SRRM2: variants seen among roughly 807,000 people sequenced by gnomAD.
SRRM2 encodes serine/arginine repetitive matrix 2.
SRRM2 carries 30 observed loss-of-function variants against 213.8 expected under a neutral mutation model. The ratio of observed to expected loss-of-function variants is 0.14; its 90% CI spans 0.10 to 0.19. SRRM2 has a LOEUF of 0.19. Among genes scored for constraint, SRRM2 ranks in the 10% least tolerant of loss-of-function variants. The pLI is 1.00. For missense variants in SRRM2, 4,904 were observed against 3,647.0 expected (o/e 1.34, Z -8.88); for synonymous variants, 2,025 against 1,377.7 (o/e 1.47, Z -10.40).
chr16:2,752,856 T>C lies in SRRM2; in HGVS notation c.-32+10T>C. 4.3e-6 allele frequency: 1 copy of C among 231,644 alleles called. No homozygotes were observed. Among genetic ancestry groups the C allele is most frequent in the Non-Finnish European group, 8.8e-6 (1 of 114,198 alleles). 14.3% of individuals were successfully genotyped at this position (231,644 alleles called of 1,614,324 possible). On this transcript the variant is annotated intron_variant, in intron 1 of 14. Transcript: ENST00000301740. Reference sequence around the variant, plus strand: ...CGGGCGGAGGCGGCGGGTGAGAGGGTGAGGGAGCCAGCGAGCCGGGTGGGG... The same window carrying C: ...CGGGCGGAGGCGGCGGGTGAGAGGGCGAGGGAGCCAGCGAGCCGGGTGGGG...
intron 2 of SRRM2, 75 bp downstream of exon 2, chr16:2,756,681 G>T: frequency 6.6e-7 from 1 of 1,520,936 alleles, no homozygotes; most frequent in Non-Finnish European, 8.8e-7. Context: ...TGTATAGGGA[G>T]CTTAGGGTGG....
At position 2,770,639 on chromosome 16, in the gene SRRM2, G is replaced by T; in HGVS notation, c.8171G>T (p.Arg2724Leu). 3.2e-6 allele frequency: 5 copies of T among 1,552,528 alleles called. No individual in the cohort carries two copies. The South Asian group carries it at 5.9e-5, about 18-fold the overall frequency. ...GAGCGGGGTTCCCGGAGAGGCCAGCGTGGGGACAGCCGCTCCCCCAGCCAC... is the reference window on the plus strand; with the variant it reads ...GAGCGGGGTTCCCGGAGAGGCCAGCTTGGGGACAGCCGCTCCCCCAGCCAC... ...SSERGSRRGQ[R>L]GDSRSPSHKR... Residue 2724 changes from arginine to leucine, a missense_variant, in exon 14 of 15, where the codon CGT (arginine) becomes CTT (leucine). Transcript: ENST00000301740.
chr16:2,758,027 G>A, intron 4 of SRRM2, 82 bp downstream of exon 4: 1 of 1,493,346 alleles, frequency 6.7e-7, no homozygotes, highest in Non-Finnish European at 9.0e-7. Flanking sequence ...TTGCGGGCTG[G>A]TTTCTTCCCA....
chr16:2,752,989 C>T (rs1041747845), intron 1 of SRRM2, 143 bp downstream of exon 1: 2 of 153,586 alleles, frequency 1.3e-5, no homozygotes, highest in East Asian at 3.9e-4. Flanking sequence ...CGCGGACGCC[C>T]TCGCCTCCCT....
intron 1 of SRRM2, chr16:2,753,542 T>A (rs2068021907): frequency 6.6e-6 from 1 of 152,254 alleles, no homozygotes; most frequent in Non-Finnish European, 1.5e-5. Context: ...TGCGTTCCCT[T>A]TTTACACTTT....
At position 2,760,414 on chromosome 16, in the gene SRRM2, C is replaced by T. The variant is rs1471734215; in HGVS notation, c.947C>T (p.Thr316Ile). 1 of 1,613,992 alleles carries T rather than the reference C, an allele frequency of 6.2e-7. No homozygotes were observed. Among genetic ancestry groups the T allele is most frequent in the East Asian group, 2.2e-5 (1 of 44,900 alleles). ...GCGCCTTTCAGTGAACCAGGTACTA[C>T]CAGCACACAACGGCCTAGTAGCCCG... The part of the protein sequence containing the change: ...GDAPFSEPGT[T>I]STQRPSSPET... The change falls in exon 10 of 15, where the codon ACC (threonine) becomes ATC (isoleucine). Residue 316 changes from threonine (T) to isoleucine (I), a missense_variant. Thr to Ile is a moderately conservative substitution (Grantham distance 89). Transcript: ENST00000301740.
chr16:2,764,289 C>A lies in SRRM2; in HGVS notation c.3761C>A (p.Ser1254Tyr), dbSNP rs763526185. Residue 1254 changes from serine (S) to tyrosine (Y), a missense_variant, in exon 11 of 15, where the codon TCT (serine) becomes TAT (tyrosine). By Grantham distance (144) the Ser-to-Tyr change is moderately radical. Transcript: ENST00000301740. Reference protein sequence around the residue: ...KSEEPAGQILSHLSSELKEMS... With the variant: ...KSEEPAGQILYHLSSELKEMS... ...GAAGAACCCGCAGGCCAAATCCTGT[C>A]TCATTTGTCTTCAGAACTTAAAGAA... 1 of 1,613,882 alleles carries A rather than the reference C, an allele frequency of 6.2e-7. No individual in the cohort carries two copies. The highest frequency in any genetic ancestry group is 2.2e-5 in the East Asian group (1 of 44,900).
At chr16:2,756,939 G>A (rs1326018976) in intron 2 of SRRM2, among the ~76,000 whole-genome samples, 1 of 152,132 alleles carries the variant, frequency 6.6e-6, no homozygotes, top group Non-Finnish European at 1.5e-5. Context: ...GCTGATAGGT[G>A]TTGTCATTGG....
At position 2,763,891 on chromosome 16, in the gene SRRM2, C is replaced by G. The variant is rs367767197; in HGVS notation, c.3363C>G (p.Phe1121Leu). 6.2e-7 allele frequency: 1 copy of G among 1,614,186 alleles called. No individual in the cohort carries two copies. Among genetic ancestry groups the G allele is most frequent in the South Asian group, 1.1e-5 (1 of 91,086 alleles). ...RSPIRQDRGE[F>L]SASPMLKSGM... ...CAATAAGACAAGATAGAGGTGAGTT[C>G]TCAGCGAGTCCTATGTTGAAATCTG... The change falls in exon 11 of 15, where the codon TTC becomes TTG. Residue 1121 changes from phenylalanine (F) to leucine (L), a missense_variant. Transcript: ENST00000301740.
chr16:2,756,356 C>T lies in SRRM2; in HGVS notation c.-9C>T, dbSNP rs369870612. On this transcript the variant is annotated 5_prime_UTR_variant, in exon 2 of 15. Coordinates refer to ENST00000301740, the MANE Select transcript of SRRM2 (RefSeq NM_016333.4). ...CAGGAGCGGTGGTGCCCCCCCCGGGCACGGGGCCATGTACAACGGGATCGG... is the reference window on the plus strand; with the variant it reads ...CAGGAGCGGTGGTGCCCCCCCCGGGTACGGGGCCATGTACAACGGGATCGG... 3.1e-6 allele frequency: 5 copies of T among 1,593,708 alleles called. No individual in the cohort carries two copies. The highest frequency in any genetic ancestry group is 4.3e-6 in the Non-Finnish European group (5 of 1,172,984).
At position 2,757,518 on chromosome 16, in the gene SRRM2, A is replaced by C. The variant is rs776559710; in HGVS notation, c.289A>C (p.Met97Leu). ...IQEKVATFRL[M>L]LLEKDVNPGG... The stretch of plus-strand genomic sequence containing the variant: ...GGAAAAAGTGGCGACCTTTCGACTC[A>C]TGTTGCTGGAGAAGGATGTGAACCC... Residue 97 changes from methionine (M) to leucine (L), a missense_variant, in exon 3 of 15, where the codon ATG (methionine) becomes CTG (leucine). Transcript: ENST00000301740. The C allele has an allele frequency of 1.2e-6, 2 of 1,614,100 alleles. No homozygotes were observed. Among genetic ancestry groups the C allele is most frequent in the Non-Finnish European group, 1.7e-6 (2 of 1,180,004 alleles).
In SRRM2 at chr16:2,770,848, T is replaced by C; in HGVS notation, c.8250-10T>C. On this transcript the variant is annotated splice_polypyrimidine_tract_variant and intron_variant, in intron 14 of 14. Transcript: ENST00000301740. ...GGGAACTCCCTGTTGACCCATATCT[T>C]CTCTTGCAGGTCTCCATAAATTGTC... 6.2e-7 allele frequency: 1 copy of C among 1,613,978 alleles called. No individual in the cohort carries two copies.
intron 12 of SRRM2, 47 bp from the exon 13 acceptor site, chr16:2,770,305 T>G (rs1238913291): frequency 1.3e-6 from 2 of 1,520,344 alleles, no homozygotes; most frequent in Non-Finnish European, 1.8e-6. Flanking sequence ...TGCTGGCCCG[T>G]GTGCTTGAAA....
chr16:2,765,856 C>T lies in SRRM2; in HGVS notation c.5328C>T (p.Arg1776=), dbSNP rs2068522447. The change falls in exon 11 of 15, where the codon CGC becomes CGT. Residue 1776 remains arginine (R), a synonymous_variant. Coordinates refer to ENST00000301740, the MANE Select transcript of SRRM2 (RefSeq NM_016333.4). The part of the protein sequence containing the change: ...KPRGLQRSRS[R]SRREKTRTTR... ...GTGGACTCCAGAGGTCCCGTTCCCG[C>T]TCAAGGAGAGAGAAAACAAGAACAA... 3.7e-6 allele frequency: 6 copies of T among 1,613,988 alleles called. No homozygotes were observed. Among genetic ancestry groups the T allele is most frequent in the South Asian group, 1.1e-5 (1 of 91,078 alleles).
In SRRM2 at chr16:2,764,496, G is replaced by C. The variant is rs769185854; in HGVS notation, c.3968G>C (p.Arg1323Thr). 1 of 1,614,044 alleles carries C rather than the reference G, an allele frequency of 6.2e-7. No homozygotes were observed. Among genetic ancestry groups the C allele is most frequent in the African/African-American group, 1.3e-5 (1 of 74,912 alleles). ...AAAGAACTGTCTAACTCCCCACTCA[G>C]GGAGAACAGCTTTGGATCACCTTTA... is the stretch of plus-strand genomic sequence containing the variant. ...EHKELSNSPL[R>T]ENSFGSPLEF... The change falls in exon 11 of 15, where the codon AGG becomes ACG. Residue 1323 changes from arginine (R) to threonine (T), a missense_variant. Physicochemically the swap from Arg to Thr is moderately conservative, Grantham distance 71. Coordinates refer to ENST00000301740, the MANE Select transcript of SRRM2 (RefSeq NM_016333.4).
intron 4 of SRRM2, 77 bp from the exon 5 acceptor site, chr16:2,758,393 T>G (rs1222558642): frequency 6.2e-6 from 8 of 1,282,062 alleles, no homozygotes; most frequent in Non-Finnish European, 8.9e-6. Context: ...TACTATTTTT[T>G]TAGACTCTGT....
rs200336431 is a variant in SRRM2, at chr16:2,766,463, C to T, written c.5935C>T (p.Arg1979Cys). ...RSRSRTSPIT[R>C]RRSRSRTSPV... is the part of the protein sequence containing the mutation. ...TCGAAGCAGAACTTCGCCTATCACT[C>T]GCAGAAGATCAAGATCCAGAACATC... Residue 1979 changes from arginine to cysteine, a missense_variant, in exon 11 of 15, where the codon CGC becomes TGC. Transcript: ENST00000301740. This position sits in a 1 kb window ranked among gnomAD's most constrained non-coding sequence, Gnocchi z 7.0. The T allele has an allele frequency of 2.4e-5, 39 of 1,614,006 alleles. No individual in the cohort carries two copies. The highest frequency in any genetic ancestry group is 3.3e-4 in the Middle Eastern group (2 of 6,084).
Position 2,768,062 on chromosome 16 carries a change from T to C in SRRM2, c.7534T>C (p.Ser2512Pro), listed in dbSNP as rs2068604828. The change falls in exon 11 of 15, where the codon TCT (serine) becomes CCT (proline). Residue 2512 changes from serine (S) to proline (P), a missense_variant. Coordinates refer to ENST00000301740, the MANE Select transcript of SRRM2 (RefSeq NM_016333.4). ...PHSDVGEPPA[S>P]TGAQQPSALA... is the part of the protein sequence containing the mutation. The stretch of plus-strand genomic sequence containing the variant: ...CTCTGATGTGGGGGAGCCACCTGCC[T>C]CTACTGGGGCCCAGCAGCCTTCTGC... The C allele has an allele frequency of 6.2e-7, 1 of 1,614,004 alleles. No homozygotes were observed. The highest frequency in any genetic ancestry group is 1.3e-5 in the African/African-American group (1 of 74,920).
chr16:2,759,199 C>T (rs781203735), intron 7 of SRRM2, 27 bp downstream of exon 7: 103 of 1,613,068 alleles, frequency 6.4e-5, no homozygotes, highest in East Asian at 4.0e-4. Context: ...TCATAGGGGG[C>T]GCAGTGGCAT....
Sources: gnomAD v4.1 joint callset for allele counts (sites outside exome capture counted in the v4.1 genomes callset) on GRCh38, gnomAD v4.1.1 for gene constraint, Gnocchi (gnomAD v3.1) non-coding constraint, MANE v1.5 for transcripts, NCBI Gene and HGNC (gene_info 2026-07-23, HGNC 2026-07-21) for gene names.